The following ADCY2 variants were observed in gnomAD, a reference collection of about 807,000 sequenced individuals.
ADCY2 encodes adenylate cyclase type 2.
ADCY2 carries 31 observed loss-of-function variants against 125.2 expected under a neutral mutation model. The observed-to-expected ratio is 0.25, with a 90% confidence interval of 0.19 to 0.33. The LOEUF is 0.33. Among genes scored for constraint, ADCY2 ranks in the 10% least tolerant of loss-of-function variants. The probability of loss-of-function intolerance (pLI) is 1.00; values close to 1 mark genes in which losing one functional copy is unlikely to be tolerated. For missense variants in ADCY2, 904 were observed against 1,418.2 expected, an observed-to-expected ratio of 0.64 and a Z score of 5.82; for synonymous variants, 512 against 548.4, an observed-to-expected ratio of 0.93 and a Z score of 0.93.
chr5:7,757,575 G>A lies in ADCY2; in HGVS notation c.2083G>A (p.Val695Met), dbSNP rs375816730. The A allele has an allele frequency of 3.2e-5, 50 of 1,565,558 alleles. No homozygotes were observed. The highest frequency in any genetic ancestry group is 1.7e-4 in the Middle Eastern group (1 of 5,784). ...CACAGCCATCATATTAATGATGGCC[G>A]TGTTCAACATGGTAAGTCCCAGAGC... ...ITTAIILMMA[V>M]FNMFFLSDSE... is the part of the protein sequence containing the mutation. Residue 695 changes from valine to methionine, a missense_variant, in exon 16 of 25, where the codon GTG becomes ATG. This residue lies in a region of ADCY2 where 221 missense variants were observed against 246.2 expected (regional missense o/e 0.90). Transcript: ENST00000338316.
intron 2 of ADCY2, among the ~76,000 whole-genome samples, chr5:7,472,763 A>G (rs994702431): frequency 6.6e-6 from 1 of 152,112 alleles, no homozygotes; most frequent in African/African-American, 2.4e-5. Flanking sequence ...ATTTCAGTAC[A>G]CCACATTCTC....
intron 15 of ADCY2, 101 bp downstream of exon 15, chr5:7,743,853 C>G (rs73045462): frequency 1.8e-6 from 2 of 1,104,734 alleles, no homozygotes; most frequent in Admixed American, 1.9e-5. Context: ...ATTGCTTTAC[C>G]ACTTCAAGAA....
chr5:7,700,443 G>A (rs1741041061), intron 7 of ADCY2, among the ~76,000 whole-genome samples: 1 of 150,814 alleles, frequency 6.6e-6, no homozygotes, highest in Admixed American at 6.6e-5. Flanking sequence ...TTGGAATATT[G>A]TACTTCATTG....
chr5:7,628,524 A>G (rs1241445410), intron 4 of ADCY2, among the ~76,000 whole-genome samples: 1 of 152,202 alleles, frequency 6.6e-6, no homozygotes, highest in Non-Finnish European at 1.5e-5. Flanking sequence ...GGGAGACATT[A>G]GAAAGACATG....
At chr5:7,409,678 G>A (rs1033983731) in intron 1 of ADCY2, among the ~76,000 whole-genome samples, 1 of 152,160 alleles carries the variant, frequency 6.6e-6, no homozygotes, top group African/African-American at 2.4e-5. Context: ...ATTAGGCCAA[G>A]ATTACTAATT....
At chr5:7,429,012 CACAGAG>C (rs371608371) in intron 2 of ADCY2, among the ~76,000 whole-genome samples, 2 of 66,950 alleles carry the variant, frequency 3.0e-5, no homozygotes, top group African/African-American at 1.3e-4. Flanking sequence ...AGAAGAGTTG[CACAGAG>C]AGAGAGAGAG....
intron 3 of ADCY2, among the ~76,000 whole-genome samples, chr5:7,602,459 G>T (rs1422278374): frequency 6.6e-6 from 1 of 152,128 alleles, no homozygotes; most frequent in Admixed American, 6.5e-5. Context: ...TCAGCTTGCA[G>T]ACCTTCATGC....
chr5:7,444,983 T>C (rs552509508), intron 2 of ADCY2, among the ~76,000 whole-genome samples: 103 of 152,350 alleles, frequency 6.8e-4, no homozygotes, highest in African/African-American at 2.5e-3. Flanking sequence ...TCTTTATTCA[T>C]AGGGATATTT....
At chr5:7,638,353 G>A (rs1579263619) in intron 4 of ADCY2, among the ~76,000 whole-genome samples, 1 of 152,230 alleles carries the variant, frequency 6.6e-6, no homozygotes, top group East Asian at 1.9e-4. Flanking sequence ...AGAATTTGAG[G>A]CTCAGCAGCC....
In ADCY2 at chr5:7,783,017, G is replaced by A. The variant is rs1004363015; in HGVS notation, c.2385-1348G>A. 5.9e-5 allele frequency among the ~76,000 whole-genome samples: 9 copies of A among 152,214 alleles called. No homozygotes were observed. The East Asian group carries it at 1.5e-3, about 26-fold the overall frequency. ...CCTCCAGCTGCGGCAGGTTTGGTGG[G>A]GAGGAAAGAACTCCTAATGCAAGCA... is the stretch of plus-strand genomic sequence containing the variant. On this transcript the variant is annotated intron_variant, in intron 18 of 24. Transcript: ENST00000338316.
At chr5:7,472,345 T>C (rs1742372368) in intron 2 of ADCY2, among the ~76,000 whole-genome samples, 2 of 152,188 alleles carry the variant, frequency 1.3e-5, no homozygotes, top group African/African-American at 4.8e-5. Flanking sequence ...TATTTTCATA[T>C]TTTTATCTCT....
At chr5:7,430,128 T>G (rs979244572) in intron 2 of ADCY2, among the ~76,000 whole-genome samples, 1 of 152,152 alleles carries the variant, frequency 6.6e-6, no homozygotes, top group African/African-American at 2.4e-5. Context: ...GCAAATTTAT[T>G]GAAAAGCGAA....
intron 3 of ADCY2, among the ~76,000 whole-genome samples, chr5:7,554,062 T>A (rs1212193925): frequency 6.6e-6 from 1 of 152,132 alleles, no homozygotes; most frequent in Admixed American, 6.5e-5. Flanking sequence ...GCATCTTGTG[T>A]CTTTAAAAAA....
chr5:7,536,341 G>A (rs1734811589), intron 3 of ADCY2, among the ~76,000 whole-genome samples: 1 of 151,898 alleles, frequency 6.6e-6, no homozygotes, highest in African/African-American at 2.4e-5. Context: ...CAGTACTGGA[G>A]ATGATAGTCG....
chr5:7,651,906 G>A (rs1364123584), intron 4 of ADCY2, among the ~76,000 whole-genome samples: 3 of 152,040 alleles, frequency 2.0e-5, no homozygotes, highest in South Asian at 2.1e-4. Flanking sequence ...GGGTTCAAGC[G>A]ATTCTCCTGC....
chr5:7,527,046 A>G (rs1289022145), intron 3 of ADCY2, among the ~76,000 whole-genome samples: 1 of 152,188 alleles, frequency 6.6e-6, no homozygotes, highest in East Asian at 1.9e-4. Context: ...GATAGAAGCA[A>G]GGAGTCTTTT....
intron 3 of ADCY2, among the ~76,000 whole-genome samples, chr5:7,599,516 T>C (rs888396383): frequency 1.3e-5 from 2 of 152,134 alleles, no homozygotes; most frequent in African/African-American, 4.8e-5. Context: ...TTTGTCCATA[T>C]TCTAGAATGT....
At chr5:7,629,133 A>T (rs1042045443) in intron 4 of ADCY2, among the ~76,000 whole-genome samples, 2 of 152,236 alleles carry the variant, frequency 1.3e-5, no homozygotes, top group African/African-American at 4.8e-5. Flanking sequence ...TTAGATAAAT[A>T]AATAGCATCC....
intron 2 of ADCY2, among the ~76,000 whole-genome samples, chr5:7,506,856 C>A (rs1460961056): frequency 8.0e-6 from 1 of 124,560 alleles, no homozygotes; most frequent in Non-Finnish European, 1.6e-5. Flanking sequence ...GGCACAATCT[C>A]GGCTCACTGC....
Sources: gnomAD v4.1 joint callset for allele counts (sites outside exome capture counted in the v4.1 genomes callset) on GRCh38, gnomAD v4.1.1 for gene constraint, gnomAD v4.1.1 regional missense constraint, MANE v1.5 for transcripts, NCBI Gene and HGNC (gene_info 2026-07-23, HGNC 2026-07-21) for gene names.